Variants in AP3B1 observed in about 807,000 individuals in gnomAD.
The protein encoded by AP3B1 is adaptor related protein complex 3 subunit beta 1.
In AP3B1, 61 loss-of-function variants were observed where a neutral mutation model predicts 132.5. The observed-to-expected ratio is 0.46, with a 90% CI of 0.37 to 0.57. The LOEUF is 0.57. Among genes scored for constraint, AP3B1 ranks in the 20% least tolerant of loss-of-function variants. The probability of loss-of-function intolerance (pLI) is 0.00; values close to 1 mark genes in which losing one functional copy is unlikely to be tolerated. For missense variants in AP3B1, 1,120 were observed against 1,289.4 expected (o/e 0.87, Z 2.01); for synonymous variants, 388 against 438.3 (o/e 0.89, Z 1.43).
At position 78,002,866 on chromosome 5, in the gene AP3B1, T is replaced by A. The variant is rs763841787; in HGVS notation, c.*36A>T. 6.2e-6 allele frequency: 10 copies of A among 1,613,498 alleles called. No homozygotes were observed. The Admixed American group carries it at 1.5e-4, about 24-fold the overall frequency. On this transcript the variant is annotated 3_prime_UTR_variant, in exon 27 of 27. Coordinates refer to ENST00000255194, the MANE Select transcript of AP3B1 (RefSeq NM_003664.5). ...CAGTAGTGGATGCCAGGCACTTTTG[T>A]TGTGTGCCAGATTCTAAAGTCCAGA...
intron 6 of AP3B1, among the ~76,000 whole-genome samples, chr5:78,223,871 T>C (rs1391780487): frequency 6.6e-6 from 1 of 152,320 alleles, no homozygotes; most frequent in Admixed American, 6.5e-5. Flanking sequence ...TATGATATGC[T>C]GTATCCTGTC....
At chr5:78,122,674 C>A (rs1752267392) in intron 17 of AP3B1, among the ~76,000 whole-genome samples, 2 of 152,274 alleles carry the variant, frequency 1.3e-5, no homozygotes, top group Non-Finnish European at 2.9e-5. Context: ...GAACTACAAA[C>A]CACTGCTCAA....
At chr5:78,140,548 T>C (rs1753100896) in intron 15 of AP3B1, among the ~76,000 whole-genome samples, 1 of 152,218 alleles carries the variant, frequency 6.6e-6, no homozygotes, top group Non-Finnish European at 1.5e-5. Context: ...AGCAGCAAGC[T>C]AGCTCTCAGG....
At chr5:78,134,794 C>T (rs1752841074) in intron 15 of AP3B1, among the ~76,000 whole-genome samples, 1 of 152,176 alleles carries the variant, frequency 6.6e-6, no homozygotes, top group African/African-American at 2.4e-5. Flanking sequence ...CTGCCCGTCT[C>T]GGCCTCCCAA....
chr5:78,154,612 A>T (rs1042481368), intron 14 of AP3B1, among the ~76,000 whole-genome samples: 2 of 151,862 alleles, frequency 1.3e-5, no homozygotes, highest in African/African-American at 4.8e-5. Flanking sequence ...TATTTTCTAG[A>T]TCTTATAGCT....
At chr5:78,206,813 T>A (rs182844056) in intron 7 of AP3B1, among the ~76,000 whole-genome samples, 1 of 152,108 alleles carries the variant, frequency 6.6e-6, no homozygotes, top group African/African-American at 2.4e-5. Flanking sequence ...TGAAATAATA[T>A]AAATGCAATC....
intron 2 of AP3B1, among the ~76,000 whole-genome samples, chr5:78,266,133 C>T (rs995523674): frequency 3.3e-5 from 5 of 152,162 alleles, no homozygotes; most frequent in African/African-American, 1.2e-4. Context: ...GAAGAGCTAG[C>T]AGTCAAGTTT....
At chr5:78,264,301 A>G (rs550152169) in intron 2 of AP3B1, among the ~76,000 whole-genome samples, 1 of 152,348 alleles carries the variant, frequency 6.6e-6, no homozygotes, top group South Asian at 2.1e-4. Flanking sequence ...AAGATGAGAT[A>G]AAAGTTCAGA....
intron 3 of AP3B1, among the ~76,000 whole-genome samples, chr5:78,233,538 C>G (rs922358998): frequency 6.6e-6 from 1 of 152,058 alleles, no homozygotes; most frequent in African/African-American, 2.4e-5. Flanking sequence ...CCCAGCCCAG[C>G]CTTTCTTTTC....
chr5:78,113,365 T>C (rs1020222103), intron 19 of AP3B1, among the ~76,000 whole-genome samples: 1 of 152,244 alleles, frequency 6.6e-6, no homozygotes, highest in African/African-American at 2.4e-5. Context: ...ATAATCTTTT[T>C]AATATAACAT....
intron 7 of AP3B1, among the ~76,000 whole-genome samples, chr5:78,194,984 T>C (rs1352097560): frequency 6.6e-6 from 1 of 151,954 alleles, no homozygotes; most frequent in South Asian, 2.1e-4. Flanking sequence ...GTTTAAAATA[T>C]GTACATGTAT....
Position 78,002,444 on chromosome 5 carries a change from C to T in AP3B1, c.*458G>A, listed in dbSNP as rs759104986. 25 of 412,032 alleles carry T rather than the reference C, an allele frequency of 6.1e-5. No homozygotes were observed. Among genetic ancestry groups the T allele is most frequent in the Non-Finnish European group, 9.8e-5 (23 of 234,474 alleles). The allele number at this position is 412,032 out of a possible 1,614,324, so 25.5% of individuals were successfully genotyped here. ...AGAACAAAATCTTGCAGAGACTATGCTTTTGTATTTGGATTTAAAAAGTAT... is the reference window on the plus strand; with the variant it reads ...AGAACAAAATCTTGCAGAGACTATGTTTTTGTATTTGGATTTAAAAAGTAT... On this transcript the variant is annotated 3_prime_UTR_variant, in exon 27 of 27. Transcript: ENST00000255194.
At chr5:78,010,129 T>C (rs1198862073) in intron 26 of AP3B1, among the ~76,000 whole-genome samples, 1 of 152,234 alleles carries the variant, frequency 6.6e-6, no homozygotes, top group Non-Finnish European at 1.5e-5. Flanking sequence ...ACTCCCGTAA[T>C]GGACAATACA....
At chr5:78,115,028 C>G (rs565251255) in intron 18 of AP3B1, among the ~76,000 whole-genome samples, 236 of 152,274 alleles carry the variant, frequency 1.5e-3, no homozygotes, top group African/African-American at 5.4e-3. Flanking sequence ...TAGAACACAA[C>G]AGGGTCTGCC....
intron 11 of AP3B1, among the ~76,000 whole-genome samples, chr5:78,168,606 C>T (rs775110431): frequency 6.6e-6 from 1 of 152,116 alleles, no homozygotes; most frequent in Non-Finnish European, 1.5e-5. Context: ...TTTTTCTGAA[C>T]GATTTGAGAC....
chr5:78,074,478 C>T (rs1029462289), intron 22 of AP3B1, among the ~76,000 whole-genome samples: 3 of 152,116 alleles, frequency 2.0e-5, no homozygotes. Context: ...CTGACATTTT[C>T]ATCAGAACAA....
At chr5:78,164,244 T>C (rs1054096344) in intron 12 of AP3B1, among the ~76,000 whole-genome samples, 3 of 151,816 alleles carry the variant, frequency 2.0e-5, no homozygotes, top group Non-Finnish European at 2.9e-5. Flanking sequence ...AACACAAACA[T>C]AGACAGAAGG....
intron 24 of AP3B1, among the ~76,000 whole-genome samples, chr5:78,024,566 T>A (rs968747720): frequency 4.1e-5 from 6 of 144,782 alleles, no homozygotes; most frequent in Admixed American, 3.4e-4. Context: ...ATTTAATTTT[T>A]TTTTTTTTTT....
chr5:78,086,890 G>C (rs1561396408), intron 22 of AP3B1, among the ~76,000 whole-genome samples: 2 of 152,106 alleles, frequency 1.3e-5, no homozygotes, highest in East Asian at 3.9e-4. Flanking sequence ...ATTTTCCAGG[G>C]ATGCAAGTAC....
Sources: gnomAD v4.1 joint callset for allele counts (sites outside exome capture counted in the v4.1 genomes callset) on GRCh38, gnomAD v4.1.1 for gene constraint, MANE v1.5 for transcripts, NCBI Gene and HGNC (gene_info 2026-07-23, HGNC 2026-07-21) for gene names.